The following SLC5A4 variants were observed in gnomAD, a reference collection of about 807,000 sequenced individuals.
SLC5A4 encodes the protein probable glucose sensor protein SLC5A4.
SLC5A4 carries 55 observed loss-of-function variants against 70.3 expected under a neutral mutation model. That is an observed-to-expected ratio of 0.78 (90% CI 0.63 to 0.98). The LOEUF is 0.98. Among genes scored for constraint, SLC5A4 ranks in the 50% least tolerant of loss-of-function variants. The probability of loss-of-function intolerance (pLI) is 0.00; values close to 1 mark genes in which losing one functional copy is unlikely to be tolerated. For synonymous variants in SLC5A4, 268 were observed against 305.7 expected, an observed-to-expected ratio of 0.88 and a Z score of 1.29; for missense variants, 735 against 839.2, an observed-to-expected ratio of 0.88 and a Z score of 1.53.
chr22:32,271,432 T>C, the SLC5A4 span: 2 of 767,068 alleles, frequency 2.6e-6, no homozygotes, highest in Non-Finnish European at 4.7e-6. Flanking sequence ...TACAAGGCCT[T>C]CCCCCACGAC....
chr22:32,267,889 C>A, the SLC5A4 span, among the ~76,000 whole-genome samples: 1 of 152,196 alleles, frequency 6.6e-6, no homozygotes, highest in Non-Finnish European at 1.5e-5. Context: ...CTTTGGGAGG[C>A]TGAGGCAGGA....
At chr22:32,340,978 G>C in the SLC5A4 span, among the ~76,000 whole-genome samples, 13 of 152,332 alleles carry the variant, frequency 8.5e-5, 1 homozygote, top group South Asian at 2.1e-3. Flanking sequence ...GTGGAGGGGT[G>C]GGTGCGGATG....
the SLC5A4 span, among the ~76,000 whole-genome samples, chr22:32,350,111 G>T: frequency 6.6e-6 from 1 of 152,082 alleles, no homozygotes; most frequent in Non-Finnish European, 1.5e-5. Context: ...TCCTAAAATG[G>T]GGTCTCTGGC....
the SLC5A4 span, chr22:32,271,075 C>T: frequency 3.4e-6 from 2 of 587,870 alleles, no homozygotes; most frequent in Middle Eastern, 4.2e-4. Context: ...TCAGTCCCAG[C>T]AAGGAGGTGG....
the SLC5A4 span, among the ~76,000 whole-genome samples, chr22:32,325,985 C>T: frequency 1.3e-5 from 2 of 152,210 alleles, no homozygotes; most frequent in Non-Finnish European, 2.9e-5. Context: ...GCAGGGCCCA[C>T]GGGGTGAGGA....
At chr22:32,305,318 TCTGC>T in the SLC5A4 span, among the ~76,000 whole-genome samples, 2 of 130,324 alleles carry the variant, frequency 1.5e-5, no homozygotes, top group Non-Finnish European at 1.6e-5. Flanking sequence ...TTGTAGTCTC[TCTGC>T]CTGTCTCCTA....
chr22:32,339,378 A>C, the SLC5A4 span, among the ~76,000 whole-genome samples: 1 of 152,182 alleles, frequency 6.6e-6, no homozygotes, highest in Non-Finnish European at 1.5e-5. Context: ...TGATGGGAAC[A>C]CTGAGACTCA....
At position 32,234,865 on chromosome 22, in the gene SLC5A4, T is replaced by C; in HGVS notation, c.885+8A>G. On this transcript the variant is annotated splice_region_variant and intron_variant, in intron 8 of 14. Coordinates refer to ENST00000266086, the MANE Select transcript of SLC5A4 (RefSeq NM_014227.3). ...AGACAGACAGACACACATATACATA[T>C]ACTTCACCTGATTTGTGCACCAGTA... The C allele has an allele frequency of 6.3e-7, 1 of 1,590,904 alleles. No individual in the cohort carries two copies. The highest frequency in any genetic ancestry group is 1.1e-5 in the South Asian group (1 of 90,574).
the SLC5A4 span, among the ~76,000 whole-genome samples, chr22:32,336,321 C>T: frequency 6.6e-6 from 1 of 152,224 alleles, no homozygotes; most frequent in Non-Finnish European, 1.5e-5. Flanking sequence ...TCACGAGCCC[C>T]CAGATTCACC....
intron 2 of SLC5A4, among the ~76,000 whole-genome samples, chr22:32,252,096 G>A (rs1332824088): frequency 6.6e-6 from 1 of 152,126 alleles, no homozygotes; most frequent in Non-Finnish European, 1.5e-5. Flanking sequence ...CGGGCGTGGT[G>A]GTGGGCGCCT....
At chr22:32,218,780 A>G (rs1489217917) in intron 14 of SLC5A4, 55 bp from the exon 15 acceptor site, 1 of 1,392,014 alleles carries the variant, frequency 7.2e-7, no homozygotes, top group Non-Finnish European at 1.0e-6. Context: ...AAGGAACTAG[A>G]AATCCTTGTC....
the SLC5A4 span, among the ~76,000 whole-genome samples, chr22:32,324,650 C>T: frequency 6.6e-6 from 1 of 152,222 alleles, no homozygotes; most frequent in Non-Finnish European, 1.5e-5. Flanking sequence ...CGTAGAGTCC[C>T]ATGGCAGAGA....
the SLC5A4 span, chr22:32,269,814 G>A: frequency 1.5e-6 from 1 of 676,336 alleles, no homozygotes; most frequent in Non-Finnish European, 2.8e-6. The surrounding 1 kb of genome is among the most constrained non-coding windows in gnomAD (Gnocchi z 4.1). Context: ...TGACAAGATG[G>A]TCATCTCCCT....
the SLC5A4 span, among the ~76,000 whole-genome samples, chr22:32,348,777 C>A: frequency 1.3e-5 from 2 of 152,142 alleles, no homozygotes; most frequent in Non-Finnish European, 2.9e-5. Context: ...GGCCCAGATT[C>A]TGGCTCTGTT....
the SLC5A4 span, among the ~76,000 whole-genome samples, chr22:32,345,350 A>G: frequency 7.2e-5 from 11 of 152,222 alleles, no homozygotes; most frequent in Non-Finnish European, 1.3e-4. Context: ...TTCTTTTGAT[A>G]CAAGTTGTAA....
chr22:32,330,949 C>T, the SLC5A4 span, among the ~76,000 whole-genome samples: 41 of 7,578 alleles, frequency 5.4e-3, no homozygotes, highest in Non-Finnish European at 7.7e-3. Flanking sequence ...GTTGGAGGCT[C>T]TGGTGTGTGT....
At chr22:32,249,938 A>G (rs1927045282) in intron 3 of SLC5A4, among the ~76,000 whole-genome samples, 1 of 151,964 alleles carries the variant, frequency 6.6e-6, no homozygotes, top group Non-Finnish European at 1.5e-5. Flanking sequence ...AGCTATTCTT[A>G]GTGTATTTTA....
chr22:32,227,358 C>A (rs2123878879), intron 11 of SLC5A4, among the ~76,000 whole-genome samples: 1 of 152,276 alleles, frequency 6.6e-6, no homozygotes, highest in Non-Finnish European at 1.5e-5. Context: ...ACACTCCTGC[C>A]CTACTGTACT....
chr22:32,221,079 A>T (rs1177392470), intron 13 of SLC5A4, 57 bp from the exon 14 acceptor site: 31 of 1,046,578 alleles, frequency 3.0e-5, no homozygotes, highest in Non-Finnish European at 4.4e-5. Context: ...GCAATAGTAT[A>T]ATAGAATGGT....
Sources: gnomAD v4.1 joint callset for allele counts (sites outside exome capture counted in the v4.1 genomes callset) on GRCh38, gnomAD v4.1.1 for gene constraint, Gnocchi (gnomAD v3.1) non-coding constraint, MANE v1.5 for transcripts, NCBI Gene and HGNC (gene_info 2026-07-23, HGNC 2026-07-21) for gene names.